The following CREBBP variants were observed in gnomAD, a reference collection of about 807,000 sequenced individuals.
CREBBP encodes CREB-binding protein.
In CREBBP, 19 loss-of-function variants were observed where a neutral mutation model predicts 265.0. That is an observed-to-expected ratio of 0.07 (90% confidence interval 0.05 to 0.11). CREBBP has a LOEUF of 0.11. Among genes scored for constraint, CREBBP ranks in the 10% least tolerant of loss-of-function variants. The pLI, the probability that CREBBP is intolerant of heterozygous loss-of-function variation, is 1.00. For missense variants in CREBBP, 2,525 were observed against 3,219.0 expected, an observed-to-expected ratio of 0.78 and a Z score of 5.22; for synonymous variants, 1,457 against 1,223.7, an observed-to-expected ratio of 1.19 and a Z score of -3.98.
rs1596813665 is a variant in CREBBP at position 3,740,492 on chromosome 16, C to T, written c.4040G>A (p.Arg1347Gln). ...HLEDRVNKFL[R>Q]RQNHPEAGEV... ...CCCGGCTTCAGGGTGATTCTGGCGC[C>T]GCAAAAATTTGTTCACTCGGTCTTC... The change falls in exon 24 of 31, where the codon CGG becomes CAG. Residue 1347 changes from arginine to glutamine, a missense_variant. Physicochemically the swap from Arg to Gln is conservative, Grantham distance 43. This residue lies in a region of CREBBP where 252 missense variants were observed against 452.5 expected (regional missense o/e 0.56). Transcript: ENST00000262367. The T allele has an allele frequency of 1.9e-6, 3 of 1,614,152 alleles. No homozygotes were observed. The highest frequency in any genetic ancestry group is 2.5e-6 in the Non-Finnish European group (3 of 1,180,030).
intron 2 of CREBBP, among the ~76,000 whole-genome samples, chr16:3,826,367 T>C (rs554559239): frequency 1.1e-4 from 17 of 152,038 alleles, no homozygotes; most frequent in South Asian, 4.2e-4. Context: ...CTAAAGAAGG[T>C]AGAATATAAA....
intron 3 of CREBBP, among the ~76,000 whole-genome samples, chr16:3,810,348 G>C (rs1222906960): frequency 6.6e-6 from 1 of 152,196 alleles, no homozygotes; most frequent in African/African-American, 2.4e-5. Context: ...AGTGATTCGT[G>C]CACGTGAATT....
chr16:3,727,290 G>GA lies in CREBBP; in HGVS notation c.*427dup, dbSNP rs1173342084. 7.7e-6 allele frequency: 2 copies of GA among 261,184 alleles called. No individual in the cohort carries two copies. The highest frequency in any genetic ancestry group is 1.5e-5 in the Non-Finnish European group (2 of 135,660). 16.2% of individuals were successfully genotyped at this position (261,184 alleles called of 1,614,324 possible). A position where few individuals can be genotyped will look rare whatever the true frequency, so the allele number is the denominator to read the frequency against. ...ACATTATAAGCTTGCATTATTTCAG[G>GA]AATCAGTTCTGAATATTATTTTTCT... On this transcript the variant is annotated 3_prime_UTR_variant, in exon 31 of 31. Transcript: ENST00000262367.
At chr16:3,764,308 A>G (rs1490448170) in intron 16 of CREBBP, among the ~76,000 whole-genome samples, 2 of 151,640 alleles carry the variant, frequency 1.3e-5, no homozygotes, top group African/African-American at 4.8e-5. Flanking sequence ...ACAGGGTCTC[A>G]CTCTCTCATC....
At chr16:3,806,364 A>G (rs190196794) in intron 3 of CREBBP, among the ~76,000 whole-genome samples, 1 of 152,100 alleles carries the variant, frequency 6.6e-6, no homozygotes, top group African/African-American at 2.4e-5. Flanking sequence ...AAATCGTAAC[A>G]TCACTCATGA....
rs1432192789 is a variant in CREBBP, at chr16:3,792,007, T to G, written c.1304A>C (p.Asn435Thr). The G allele has an allele frequency of 5.6e-6, 9 of 1,614,052 alleles. No homozygotes were observed. The highest frequency in any genetic ancestry group is 7.6e-6 in the Non-Finnish European group (9 of 1,179,984). The stretch of plus-strand genomic sequence containing the variant: ...TTGTTGGTTTCGCTTGTCACTGGCA[T>G]TTTTCAAAGGGAGGCAAACAGGACA... ...HDCPVCLPLK[N>T]ASDKRNQQTI... Residue 435 changes from asparagine (N) to threonine (T), a missense_variant, in exon 5 of 31, where the codon AAT (asparagine) becomes ACT (threonine). By Grantham distance (65) the Asn-to-Thr change is moderately conservative. Around this residue, in one of 19 missense-constraint regions of CREBBP, gnomAD observed 48 missense variants for 70.2 expected, o/e 0.68. Coordinates refer to ENST00000262367, the MANE Select transcript of CREBBP (RefSeq NM_004380.3).
chr16:3,818,884 G>C (rs143508466), intron 2 of CREBBP, among the ~76,000 whole-genome samples: 1 of 152,140 alleles, frequency 6.6e-6, no homozygotes, highest in South Asian at 2.1e-4. Context: ...TGAGGAAGGG[G>C]CCCCCCGGAA....
At chr16:3,852,757 C>T (rs533908394) in intron 1 of CREBBP, among the ~76,000 whole-genome samples, 1 of 152,152 alleles carries the variant, frequency 6.6e-6, no homozygotes, top group African/African-American at 2.4e-5. Flanking sequence ...CAAAATAATC[C>T]GTCTTTCCTG....
In CREBBP at chr16:3,726,360, T is replaced by C. The variant is rs548111383; in HGVS notation, c.*1358A>G. On this transcript the variant is annotated 3_prime_UTR_variant, in exon 31 of 31. Coordinates refer to ENST00000262367, the MANE Select transcript of CREBBP (RefSeq NM_004380.3). ...TTTCAGACCAACTGACGACCCTAAC[T>C]GTGTGAGCGACAATCACCTGTGAGC... 299 of 233,170 alleles carry C rather than the reference T, an allele frequency of 1.3e-3. 1 individual carries two copies. Among genetic ancestry groups the C allele is most frequent in the African/African-American group, 5.9e-3 (270 of 45,390 alleles). 14.4% of individuals were successfully genotyped at this position (233,170 alleles called of 1,614,324 possible). A position where few individuals can be genotyped will look rare whatever the true frequency, so the allele number is the denominator to read the frequency against.
At chr16:3,756,815 G>A (rs577556399) in intron 19 of CREBBP, among the ~76,000 whole-genome samples, 1 of 152,150 alleles carries the variant, frequency 6.6e-6, no homozygotes, top group Non-Finnish European at 1.5e-5. Context: ...AAAAAGGCAT[G>A]TCAACCTTTA....
chr16:3,735,328 G>A (rs994663326), intron 28 of CREBBP, among the ~76,000 whole-genome samples: 2 of 152,040 alleles, frequency 1.3e-5, no homozygotes, highest in African/African-American at 4.8e-5. Context: ...ACGGAGTCTC[G>A]CACTGTCTCC....
In CREBBP at chr16:3,727,156, G is replaced by A. The variant is rs1355519449; in HGVS notation, c.*562C>T. 3 of 240,746 alleles carry A rather than the reference G, an allele frequency of 1.2e-5. No individual in the cohort carries two copies. The highest frequency in any genetic ancestry group is 1.6e-5 in the Non-Finnish European group (2 of 122,682). The allele number at this position is 240,746 out of a possible 1,614,324, so 14.9% of individuals were successfully genotyped here. ...TAGATAGATGTGTGTGGGTGTGTAC[G>A]TGTGTGCACGCCGGAGTCAATTCCT... is the stretch of plus-strand genomic sequence containing the variant. On this transcript the variant is annotated 3_prime_UTR_variant, in exon 31 of 31. Coordinates refer to ENST00000262367, the MANE Select transcript of CREBBP (RefSeq NM_004380.3).
intron 2 of CREBBP, among the ~76,000 whole-genome samples, chr16:3,821,837 C>G (rs1428623278): frequency 6.6e-6 from 1 of 152,172 alleles, no homozygotes; most frequent in African/African-American, 2.4e-5. Flanking sequence ...GGAGACCCGC[C>G]TGGCCAATAT....
intron 1 of CREBBP, among the ~76,000 whole-genome samples, chr16:3,861,140 G>C (rs1412190269): frequency 6.6e-6 from 1 of 152,038 alleles, no homozygotes; most frequent in Non-Finnish European, 1.5e-5. Flanking sequence ...AAATTAGCTG[G>C]GCGTGGTGGC....
At position 3,729,169 on chromosome 16, in the gene CREBBP, G is replaced by A. The variant is rs772270271; in HGVS notation, c.5878C>T (p.Arg1960Trp). 6.8e-6 allele frequency: 10 copies of A among 1,466,528 alleles called. No homozygotes were observed. The highest frequency in any genetic ancestry group is 9.0e-6 in the Non-Finnish European group (10 of 1,106,320). The allele number at this position is 1,466,528 out of a possible 1,614,324, so 90.8% of individuals were successfully genotyped here. A position where few individuals can be genotyped will look rare whatever the true frequency, so the allele number is the denominator to read the frequency against. Residue 1960 changes from arginine to tryptophan, a missense_variant, in exon 31 of 31, where the codon CGG (arginine) becomes TGG (tryptophan). Arg to Trp is a moderately radical substitution (Grantham distance 101). Around this residue, in one of 19 missense-constraint regions of CREBBP, gnomAD observed 275 missense variants for 276.5 expected, o/e 0.99. Transcript: ENST00000262367. ...TGCTGGGCCTCACGCTCGATCTGCCGAGCCGCTTCCACCGCTGCAGGAGGG... is the reference window on the plus strand; with the variant it reads ...TGCTGGGCCTCACGCTCGATCTGCCAAGCCGCTTCCACCGCTGCAGGAGGG... ...QPPPAAVEAARQIEREAQQQQ... is the reference protein window; with the variant it reads ...QPPPAAVEAAWQIEREAQQQQ...
intron 2 of CREBBP, among the ~76,000 whole-genome samples, chr16:3,838,025 C>A (rs1379552205): frequency 1.3e-5 from 2 of 152,158 alleles, no homozygotes; most frequent in Non-Finnish European, 2.9e-5. Context: ...GCCACACACA[C>A]CAGGATCTAT....
intron 3 of CREBBP, among the ~76,000 whole-genome samples, chr16:3,794,331 C>CAAAAAAAAAAAAAAAA (rs746656673): frequency 2.5e-5 from 1 of 39,594 alleles, no homozygotes; most frequent in Non-Finnish European, 4.7e-5. Context: ...GACTCCGTCT[C>CAAAAAAAAAAAAAAAA]AAAAAAAAAA....
chr16:3,807,905 C>A (rs934729180), intron 3 of CREBBP, among the ~76,000 whole-genome samples: 1 of 151,816 alleles, frequency 6.6e-6, no homozygotes, highest in African/African-American at 2.4e-5. Context: ...TGGGCACAGC[C>A]CCATCTGATC....
chr16:3,787,948 G>C (rs973213618), intron 5 of CREBBP, among the ~76,000 whole-genome samples: 2 of 152,200 alleles, frequency 1.3e-5, no homozygotes, highest in Non-Finnish European at 2.9e-5. Flanking sequence ...AAAGTGCAAG[G>C]ATTACAGACG....
Sources: gnomAD v4.1 joint callset for allele counts (sites outside exome capture counted in the v4.1 genomes callset) on GRCh38, gnomAD v4.1.1 for gene constraint, gnomAD v4.1.1 regional missense constraint, MANE v1.5 for transcripts, NCBI Gene and HGNC (gene_info 2026-07-23, HGNC 2026-07-21) for gene names.